SHISA9: variants seen among roughly 807,000 people sequenced by gnomAD.
SHISA9 encodes the protein shisa family member 9, also known as protein shisa-9.
SHISA9 carries 13 observed loss-of-function variants against 38.0 expected under a neutral mutation model. The ratio of observed to expected loss-of-function variants is 0.34; its 90% CI spans 0.22 to 0.54. The LOEUF (loss-of-function observed/expected upper bound fraction) is 0.54. SHISA9 is among the 20% of genes least tolerant of loss of function. The probability of loss-of-function intolerance (pLI) is 0.91; values close to 1 mark genes in which losing one functional copy is unlikely to be tolerated. For missense variants in SHISA9, 538 were observed against 575.8 expected, an observed-to-expected ratio of 0.93 and a Z score of 0.67; for synonymous variants, 275 against 242.0, an observed-to-expected ratio of 1.14 and a Z score of -1.27.
chr16:13,064,471 AG>A (rs1463035501), intron 2 of SHISA9, among the ~76,000 whole-genome samples: 2 of 152,210 alleles, frequency 1.3e-5, no homozygotes, highest in Non-Finnish European at 2.9e-5. Flanking sequence ...AAAGATGAAA[AG>A]AAAAATAATA....
chr16:13,177,904 G>A (rs988451764), intron 2 of SHISA9, among the ~76,000 whole-genome samples: 1 of 152,074 alleles, frequency 6.6e-6, no homozygotes, highest in Non-Finnish European at 1.5e-5. Context: ...CCCTGACCTC[G>A]TGATCCACCT....
chr16:13,345,163 C>A, the SHISA9 span, among the ~76,000 whole-genome samples: 2 of 151,910 alleles, frequency 1.3e-5, no homozygotes, highest in African/African-American at 2.4e-5. Context: ...ATATAGGTAA[C>A]CTTGTGTCAT....
intron 2 of SHISA9, among the ~76,000 whole-genome samples, chr16:13,150,404 G>C (rs1297237764): frequency 6.6e-6 from 1 of 152,130 alleles, no homozygotes; most frequent in East Asian, 1.9e-4. Context: ...ATGTGGTGAC[G>C]TCCATGTCTC....
intron 2 of SHISA9, among the ~76,000 whole-genome samples, chr16:13,124,747 A>G (rs867546534): frequency 2.0e-5 from 3 of 152,226 alleles, no homozygotes; most frequent in Non-Finnish European, 2.9e-5. Context: ...CCAAAATAGC[A>G]TGGCACTGGC....
chr16:13,132,372 A>G (rs2050313598), intron 2 of SHISA9, among the ~76,000 whole-genome samples: 1 of 152,200 alleles, frequency 6.6e-6, no homozygotes, highest in African/African-American at 2.4e-5. Flanking sequence ...TTTTTTTCCC[A>G]AAATGGGATT....
At chr16:13,015,852 CCCTTTCTT>C (rs1382579615) in intron 2 of SHISA9, among the ~76,000 whole-genome samples, 2 of 82,120 alleles carry the variant, frequency 2.4e-5, no homozygotes, top group Admixed American at 1.2e-4. Context: ...TTCTTTCTTT[CCCTTTCTT>C]TCTTTCTTTC....
the SHISA9 span, among the ~76,000 whole-genome samples, chr16:13,462,970 A>AATAC: frequency 1.3e-5 from 2 of 151,524 alleles, no homozygotes; most frequent in African/African-American, 2.4e-5. Flanking sequence ...TTAAAAAATA[A>AATAC]ATAAATAAAT....
chr16:13,186,029 T>C (rs917380189), intron 2 of SHISA9, among the ~76,000 whole-genome samples: 2 of 152,206 alleles, frequency 1.3e-5, no homozygotes, highest in Admixed American at 6.5e-5. Flanking sequence ...AACTCCATGG[T>C]AGCGAATTGG....
rs574955099 is a variant in SHISA9, at chr16:13,198,306, T to C, written c.692-5088T>C. On this transcript the variant is annotated intron_variant, in intron 2 of 4. Coordinates refer to ENST00000558583, the MANE Select transcript of SHISA9 (RefSeq NM_001145204.3). ...TGTGTGTATATGCATACATATATACTTGTGTGTATATGCATACATATATAC... is the reference window on the plus strand; with the variant it reads ...TGTGTGTATATGCATACATATATACCTGTGTGTATATGCATACATATATAC... Among the ~76,000 whole-genome samples the C allele has an allele frequency of 2.0e-5, 3 of 149,742 alleles. No homozygotes were observed. The East Asian group carries it at 5.8e-4, about 29-fold the overall frequency.
chr16:13,308,775 C>G, the SHISA9 span, among the ~76,000 whole-genome samples: 1 of 152,168 alleles, frequency 6.6e-6, no homozygotes, highest in African/African-American at 2.4e-5. Context: ...AAAAATCCCA[C>G]CACCATCCTC....
intron 2 of SHISA9, among the ~76,000 whole-genome samples, chr16:12,959,650 T>C (rs1332359381): frequency 2.6e-5 from 4 of 152,154 alleles, no homozygotes; most frequent in Non-Finnish European, 5.9e-5. Context: ...CCTCCTTAAC[T>C]CATCATTTCA....
chr16:13,527,534 T>G, the SHISA9 span, among the ~76,000 whole-genome samples: 7 of 152,182 alleles, frequency 4.6e-5, no homozygotes, highest in African/African-American at 1.7e-4. Context: ...TAGTTAAATA[T>G]AAGGTAGTGG....
At chr16:13,354,601 G>A in the SHISA9 span, among the ~76,000 whole-genome samples, 2 of 149,106 alleles carry the variant, frequency 1.3e-5, no homozygotes, top group African/African-American at 4.9e-5. Context: ...AGTGAGTTGA[G>A]CATAGTTTGT....
chr16:13,045,182 A>G (rs1005679989), intron 2 of SHISA9, among the ~76,000 whole-genome samples: 4 of 152,258 alleles, frequency 2.6e-5, no homozygotes, highest in Admixed American at 6.5e-5. Context: ...GTATGAGTCA[A>G]TATAGAAATG....
the SHISA9 span, among the ~76,000 whole-genome samples, chr16:13,461,251 A>G: frequency 6.6e-6 from 1 of 152,168 alleles, no homozygotes; most frequent in Admixed American, 6.5e-5. Context: ...AACCCAAGAC[A>G]CCTAGCCCTT....
chr16:13,413,898 G>C, the SHISA9 span, among the ~76,000 whole-genome samples: 3 of 151,862 alleles, frequency 2.0e-5, no homozygotes, highest in African/African-American at 7.3e-5. Context: ...GAAGTAATGA[G>C]ACTTCTAAGT....
the SHISA9 span, among the ~76,000 whole-genome samples, chr16:13,443,508 C>T: frequency 3.3e-5 from 5 of 152,168 alleles, no homozygotes; most frequent in Non-Finnish European, 7.4e-5. Flanking sequence ...ACCGTGCAAG[C>T]CCTGATAATC....
At chr16:13,232,542 A>G (rs1408133712) in intron 4 of SHISA9, among the ~76,000 whole-genome samples, 2 of 152,240 alleles carry the variant, frequency 1.3e-5, no homozygotes, top group Non-Finnish European at 2.9e-5. Context: ...ACCATGGCCC[A>G]TGACACAGCC....
chr16:13,007,055 T>C (rs1201224343), intron 2 of SHISA9, among the ~76,000 whole-genome samples: 1 of 152,202 alleles, frequency 6.6e-6, no homozygotes, highest in Non-Finnish European at 1.5e-5. Flanking sequence ...AATAATTCCA[T>C]AGATATCTAT....
Sources: gnomAD v4.1 joint callset for allele counts (sites outside exome capture counted in the v4.1 genomes callset) on GRCh38, gnomAD v4.1.1 for gene constraint, MANE v1.5 for transcripts, NCBI Gene and HGNC (gene_info 2026-07-23, HGNC 2026-07-21) for gene names.